The following ZNF845 variants were observed in gnomAD, a reference collection of about 807,000 sequenced individuals.
ZNF845 encodes zinc finger protein 845.
ZNF845 carries 59 observed loss-of-function variants against 76.1 expected under a neutral mutation model. The observed-to-expected ratio is 0.78, with a 90% CI of 0.63 to 0.96. The LOEUF (loss-of-function observed/expected upper bound fraction) is 0.96, where lower values mean the gene tolerates loss of function less well. ZNF845 is among the 40% of genes least tolerant of loss of function. The probability of loss-of-function intolerance (pLI) is 0.00; values close to 1 mark genes in which losing one functional copy is unlikely to be tolerated. For missense variants in ZNF845, 1,045 were observed against 1,172.8 expected, an observed-to-expected ratio of 0.89 and a Z score of 1.59; for synonymous variants, 361 against 386.9, an observed-to-expected ratio of 0.93 and a Z score of 0.78.
chr19:53,335,119 G>A (rs527341388), intron 1 of ZNF845, among the ~76,000 whole-genome samples: 5 of 152,196 alleles, frequency 3.3e-5, no homozygotes, highest in African/African-American at 7.2e-5. Context: ...CTTCCACTTG[G>A]AATCCCTATT....
chr19:53,352,831 A>G lies in ZNF845; in HGVS notation c.2156A>G (p.Tyr719Cys). 6.2e-7 allele frequency: 1 copy of G among 1,614,166 alleles called. No homozygotes were observed. ...GCAATTCATACTGGAGAGAAACCTT[A>G]CAAGTGTAATGAGTGTGGCAAGGCC... is the stretch of plus-strand genomic sequence containing the variant. ...HKAIHTGEKP[Y>C]KCNECGKAFS... is the part of the protein sequence containing the mutation. Residue 719 changes from tyrosine to cysteine, a missense_variant, in exon 4 of 4, where the codon TAC (tyrosine) becomes TGC (cysteine). Physicochemically the swap from Tyr to Cys is radical, Grantham distance 194. Transcript: ENST00000458035.
intron 2 of ZNF845, among the ~76,000 whole-genome samples, chr19:53,342,842 G>A (rs2085266443): frequency 6.6e-6 from 1 of 151,972 alleles, no homozygotes; most frequent in East Asian, 1.9e-4. Context: ...TTTTGAGACT[G>A]AGTTTTGCTC....
intron 1 of ZNF845, among the ~76,000 whole-genome samples, chr19:53,339,445 C>T (rs964521329): frequency 2.0e-5 from 3 of 152,294 alleles, no homozygotes; most frequent in East Asian, 1.9e-4. Context: ...AGTGGTTTCC[C>T]TGCCTGTCCT....
At chr19:53,341,042 C>T (rs1235154486) in intron 1 of ZNF845, 193 bp from the exon 2 acceptor site, 5 of 574,394 alleles carry the variant, frequency 8.7e-6, no homozygotes, top group Non-Finnish European at 1.5e-5. Flanking sequence ...TCCTCTGGTC[C>T]ATATTGGCTG....
At chr19:53,345,345 A>G (rs1236594260) in intron 2 of ZNF845, among the ~76,000 whole-genome samples, 161 bp from the exon 3 acceptor site, 1 of 152,194 alleles carries the variant, frequency 6.6e-6, no homozygotes. Flanking sequence ...AGTGTAATAA[A>G]ACACAACTCA....
rs2085333124 is a variant in ZNF845 at position 53,351,309 on chromosome 19, G to GA, written c.639dup (p.Ser214IlefsTer5). 6.2e-7 allele frequency: 1 copy of GA among 1,614,038 alleles called. No individual in the cohort carries two copies. The highest frequency in any genetic ancestry group is 1.3e-5 in the African/African-American group (1 of 74,918). On this transcript the variant is annotated frameshift_variant, in exon 4 of 4. Coordinates refer to ENST00000458035, the MANE Select transcript of ZNF845 (RefSeq NM_138374.3). LOFTEE classifies it high-confidence loss of function. ...ACAAAAGCAGGAAGTACACATGAGA[G>GA]AAAAATCTTTCCAATGTAATGAGAG...
At position 53,351,577 on chromosome 19, in the gene ZNF845, G is replaced by T. The variant is rs2085336093; in HGVS notation, c.902G>T (p.Cys301Phe). ...CATACTGGAGAGAAACATTACAAGT[G>T]CAGTGAGTGTGGCAAGACCTTCAGT... The part of the protein sequence containing the change: ...RLHTGEKHYK[C>F]SECGKTFSRN... Residue 301 changes from cysteine to phenylalanine, a missense_variant, in exon 4 of 4, where the codon TGC (cysteine) becomes TTC (phenylalanine). By Grantham distance (205) the Cys-to-Phe change is radical (BLOSUM62 -2). Coordinates refer to ENST00000458035, the MANE Select transcript of ZNF845 (RefSeq NM_138374.3). 1 of 1,614,144 alleles carries T rather than the reference G, an allele frequency of 6.2e-7. No homozygotes were observed.
At chr19:53,334,350 T>G (rs1453653267) in intron 1 of ZNF845, among the ~76,000 whole-genome samples, 1 of 151,952 alleles carries the variant, frequency 6.6e-6, no homozygotes, top group Non-Finnish European at 1.5e-5. Context: ...TGTGATTGTG[T>G]TGGCCAAAGG....
intron 1 of ZNF845, chr19:53,337,104 C>T (rs2085220729): frequency 2.2e-6 from 1 of 456,746 alleles, no homozygotes; most frequent in South Asian, 1.5e-5. Flanking sequence ...CTCCTGGGAG[C>T]TTGCCCTCAT....
Position 53,351,146 on chromosome 19 carries a change from A to G in ZNF845, c.471A>G (p.Glu157=). ...CTGAACTCCACATGTTTCAGACCGA[A>G]GGGAAAATTGGTAATCAAGTTGAGA... is the stretch of plus-strand genomic sequence containing the variant. ...HLPELHMFQT[E]GKIGNQVEKS... is the part of the protein sequence containing the mutation. The change falls in exon 4 of 4, where the codon GAA becomes GAG. Residue 157 remains glutamate, a synonymous_variant. Coordinates refer to ENST00000458035, the MANE Select transcript of ZNF845 (RefSeq NM_138374.3). 6.2e-7 allele frequency: 1 copy of G among 1,614,214 alleles called. No individual in the cohort carries two copies. The highest frequency in any genetic ancestry group is 8.5e-7 in the Non-Finnish European group (1 of 1,180,032).
chr19:53,354,362 A>G lies in ZNF845; in HGVS notation c.*774A>G, dbSNP rs2085369240. The G allele has an allele frequency of 2.9e-6, 1 of 342,254 alleles. No homozygotes were observed. Among genetic ancestry groups the G allele is most frequent in the Non-Finnish European group, 5.9e-6 (1 of 168,684 alleles). The allele number at this position is 342,254 out of a possible 1,614,324, so 21.2% of individuals were successfully genotyped here. On this transcript the variant is annotated 3_prime_UTR_variant, in exon 4 of 4. Coordinates refer to ENST00000458035, the MANE Select transcript of ZNF845 (RefSeq NM_138374.3). ...ACATTGAGTTCAAGCATTAATTGACATTAAAGTGTTTATGTTAAGAAGATT... is the reference window on the plus strand; with the variant it reads ...ACATTGAGTTCAAGCATTAATTGACGTTAAAGTGTTTATGTTAAGAAGATT...
At chr19:53,347,431 C>T (rs1417749538) in intron 3 of ZNF845, among the ~76,000 whole-genome samples, 1 of 125,562 alleles carries the variant, frequency 8.0e-6, no homozygotes, top group Non-Finnish European at 1.7e-5. Flanking sequence ...CACATGCCAC[C>T]ACACCTGGCT....
intron 1 of ZNF845, 132 bp downstream of exon 1, chr19:53,333,924 C>T (rs542464310): frequency 1.3e-5 from 2 of 154,512 alleles, no homozygotes; most frequent in Admixed American, 6.5e-5. Context: ...ATTTAGACGT[C>T]CTCGTCAGAG....
In ZNF845 at chr19:53,355,526, A is replaced by G. The variant is rs1239388820; in HGVS notation, c.*1938A>G. The G allele has an allele frequency of 6.6e-6, 1 of 151,868 alleles. No individual in the cohort carries two copies. The highest frequency in any genetic ancestry group is 1.5e-5 in the Non-Finnish European group (1 of 67,952). 9.4% of individuals were successfully genotyped at this position (151,868 alleles called of 1,614,324 possible). ...TTGAAAGAATATGTTAGATCGCCTA[A>G]CCTCATTATCCGCCCACTTCGGACT... On this transcript the variant is annotated 3_prime_UTR_variant, in exon 4 of 4. Transcript: ENST00000458035.
chr19:53,337,493 G>A (rs979006493), intron 1 of ZNF845, among the ~76,000 whole-genome samples: 1 of 152,096 alleles, frequency 6.6e-6, no homozygotes, highest in Admixed American at 6.6e-5. Context: ...CAATTCTTCT[G>A]CCTCACCCTT....
rs759131315 is a variant in ZNF845 at position 53,353,350 on chromosome 19, G to A, written c.2675G>A (p.Cys892Tyr). 6 of 1,613,456 alleles carry A rather than the reference G, an allele frequency of 3.7e-6. No individual in the cohort carries two copies. Among genetic ancestry groups the A allele is most frequent in the Non-Finnish European group, 5.1e-6 (6 of 1,179,796 alleles). ...GAGAAACCTTACAAGTGTAATAAAT[G>A]TGGTAAGGTTTTTAATCAACAAGCA... Reference protein sequence around the residue: ...TGEKPYKCNKCGKVFNQQAHL... With the variant: ...TGEKPYKCNKYGKVFNQQAHL... Residue 892 changes from cysteine (C) to tyrosine (Y), a missense_variant, in exon 4 of 4, where the codon TGT becomes TAT. Physicochemically the swap from Cys to Tyr is radical, Grantham distance 194 (BLOSUM62 -2). Coordinates refer to ENST00000458035, the MANE Select transcript of ZNF845 (RefSeq NM_138374.3).
intron 3 of ZNF845, among the ~76,000 whole-genome samples, chr19:53,349,003 C>T (rs2085315811): frequency 6.6e-6 from 1 of 151,494 alleles, no homozygotes; most frequent in South Asian, 2.1e-4. Context: ...ATTACAGGCT[C>T]CCGCCACCAT....
Position 53,353,979 on chromosome 19 carries a change from G to T in ZNF845, c.*391G>T. Reference sequence around the variant, plus strand: ...TGTTCATACCTTGCAGTTCATCGGTGAACTCATGCTGGAGAGAAACCTTAC... The same window carrying T: ...TGTTCATACCTTGCAGTTCATCGGTTAACTCATGCTGGAGAGAAACCTTAC... On this transcript the variant is annotated 3_prime_UTR_variant, in exon 4 of 4. Coordinates refer to ENST00000458035, the MANE Select transcript of ZNF845 (RefSeq NM_138374.3). The T allele has an allele frequency of 2.0e-6, 1 of 508,126 alleles. No individual in the cohort carries two copies. Among genetic ancestry groups the T allele is most frequent in the South Asian group, 2.0e-5 (1 of 50,894 alleles). The allele number at this position is 508,126 out of a possible 1,614,324, so 31.5% of individuals were successfully genotyped here. A position where few individuals can be genotyped will look rare whatever the true frequency, so the allele number is the denominator to read the frequency against.
chr19:53,345,855 GT>G (rs374069306), intron 3 of ZNF845, among the ~76,000 whole-genome samples: 233 of 135,386 alleles, frequency 1.7e-3, no homozygotes, highest in Middle Eastern at 7.8e-3. Context: ...TACTTTTTTA[GT>G]TTTTTTTTTT....
Sources: allele counts gnomAD v4.1 joint callset (sites outside exome capture counted in the v4.1 genomes callset), GRCh38; gene constraint gnomAD v4.1.1; transcripts MANE v1.5; gene names NCBI Gene and HGNC (gene_info 2026-07-23, HGNC 2026-07-21).